Variants in PPME1 observed in about 807,000 individuals in gnomAD.
The protein encoded by PPME1 is testicular secretory protein Li 39.
Under a neutral mutation model 56.9 loss-of-function variants are expected in PPME1, and 17 were observed. The ratio of observed to expected loss-of-function variants is 0.30; its 90% CI spans 0.20 to 0.45. The LOEUF is 0.45. PPME1 is among the 20% of genes least tolerant of loss of function. PPME1 has a pLI of 1.00. For missense variants in PPME1, 357 were observed against 483.2 expected (o/e 0.74, Z 2.45); for synonymous variants, 122 against 156.2 (o/e 0.78, Z 1.63).
Position 74,231,094 on chromosome 11 carries a change from G to C in PPME1, c.644+92G>C, listed in dbSNP as rs1000993535. On this transcript the variant is annotated intron_variant, in intron 7 of 13. Transcript: ENST00000328257. The stretch of plus-strand genomic sequence containing the variant: ...TATTTAGGAGACAAGGCCTCACTCT[G>C]TCACCCAGGCTGGAGTGCAGTGGCA... 1.1e-5 allele frequency: 12 copies of C among 1,114,026 alleles called. No individual in the cohort carries two copies. In the Admixed American group the frequency reaches 1.6e-4, roughly 15 times the overall value. The allele number at this position is 1,114,026 out of a possible 1,614,324, so 69.0% of individuals were successfully genotyped here. A position where few individuals can be genotyped will look rare whatever the true frequency, so the allele number is the denominator to read the frequency against.
intron 1 of PPME1, among the ~76,000 whole-genome samples, chr11:74,191,173 TAAAAATAA>T (rs1019531693): frequency 9.2e-5 from 14 of 152,140 alleles, no homozygotes; most frequent in Non-Finnish European, 1.9e-4. Flanking sequence ...TCGTTTCTAC[TAAAAATAA>T]AAGAAGTTAT....
chr11:74,199,132 T>C (rs1176278692), intron 1 of PPME1, among the ~76,000 whole-genome samples: 1 of 152,170 alleles, frequency 6.6e-6, no homozygotes, highest in Non-Finnish European at 1.5e-5. Context: ...TATCCCTCTC[T>C]CCATCCCTAT....
intron 3 of PPME1, among the ~76,000 whole-genome samples, chr11:74,211,033 T>C (rs1858459855): frequency 6.6e-6 from 1 of 152,034 alleles, no homozygotes; most frequent in South Asian, 2.1e-4. Context: ...TAAAAATCTG[T>C]TTTTTCTAAA....
intron 1 of PPME1, among the ~76,000 whole-genome samples, chr11:74,200,536 C>T (rs559372402): frequency 5.3e-5 from 8 of 152,228 alleles, no homozygotes; most frequent in Non-Finnish European, 1.0e-4. Context: ...GTGCGTGCCA[C>T]CATGCCTGGC....
rs925715039 is a variant in PPME1, at chr11:74,239,331, T to C, written c.834+75T>C. 17 of 1,541,352 alleles carry C rather than the reference T, an allele frequency of 1.1e-5. No homozygotes were observed. In the African/African-American group the frequency reaches 2.1e-4, roughly 19 times the overall value. ...ACTGTGTGTGGGTGGGAAGGGGTGA[T>C]AACATTGTTCTTTTTGTTTGCCATT... is the stretch of plus-strand genomic sequence containing the variant. On this transcript the variant is annotated intron_variant, in intron 9 of 13. Transcript: ENST00000328257.
chr11:74,252,149 A>G (rs1425067313), intron 13 of PPME1, among the ~76,000 whole-genome samples: 8 of 142,560 alleles, frequency 5.6e-5, no homozygotes, highest in Non-Finnish European at 1.1e-4. Flanking sequence ...GTTCACTGCA[A>G]CCTCTGCCAC....
chr11:74,188,049 C>G (rs1857733549), intron 1 of PPME1, among the ~76,000 whole-genome samples: 2 of 152,058 alleles, frequency 1.3e-5, no homozygotes, highest in South Asian at 2.1e-4. Context: ...CAGGCTGCCT[C>G]CAGAAGCTGG....
chr11:74,217,205 T>G (rs1858670535), intron 3 of PPME1, among the ~76,000 whole-genome samples: 1 of 151,902 alleles, frequency 6.6e-6, no homozygotes. Flanking sequence ...GATGCAGAAA[T>G]CATCAGCAAA....
intron 1 of PPME1, among the ~76,000 whole-genome samples, chr11:74,188,982 A>G (rs969101317): frequency 2.6e-5 from 4 of 152,358 alleles, no homozygotes; most frequent in Admixed American, 6.5e-5. Context: ...TATATTCAGG[A>G]AAGTATAGCT....
chr11:74,245,044 A>G (rs1341288824), intron 9 of PPME1, among the ~76,000 whole-genome samples: 1 of 152,152 alleles, frequency 6.6e-6, no homozygotes, highest in African/African-American at 2.4e-5. Flanking sequence ...TCTCTATTCT[A>G]TTCCACTGGT....
intron 10 of PPME1, 99 bp downstream of exon 10, chr11:74,246,304 C>T (rs1041683206): frequency 5.6e-6 from 7 of 1,253,722 alleles, no homozygotes; most frequent in African/African-American, 4.7e-5. Context: ...TCTCACAGTT[C>T]TGGAGGCTGG....
At chr11:74,235,731 A>G in intron 7 of PPME1, 170 bp from the exon 8 acceptor site, 1 of 1,077,076 alleles carries the variant, frequency 9.3e-7, no homozygotes, top group South Asian at 1.8e-5. Flanking sequence ...TTTTACTTAT[A>G]AAACCATGTA....
chr11:74,180,415 G>A (rs80163117), intron 1 of PPME1, among the ~76,000 whole-genome samples: 4,298 of 152,188 alleles, frequency 0.028, 169 homozygotes, highest in African/African-American at 0.095. Flanking sequence ...ATTTAACCCC[G>A]TTCTATAAGA....
At position 74,246,220 on chromosome 11, in the gene PPME1, G is replaced by C. The variant is rs1483205601; in HGVS notation, c.964+15G>C. On this transcript the variant is annotated intron_variant, in intron 10 of 13. Transcript: ENST00000328257. The stretch of plus-strand genomic sequence containing the variant: ...GCTCTTGGCTGGTAAGTGTATATGT[G>C]CATATATTAGTCAGCTCAGGCTGCC... 1 of 1,541,786 alleles carries C rather than the reference G, an allele frequency of 6.5e-7. No homozygotes were observed. The highest frequency in any genetic ancestry group is 2.0e-5 in the Admixed American group (1 of 49,666).
At chr11:74,224,001 G>C (rs1238701400) in intron 4 of PPME1, among the ~76,000 whole-genome samples, 1 of 152,148 alleles carries the variant, frequency 6.6e-6, no homozygotes, top group East Asian at 1.9e-4. Context: ...TGGTGTTTTA[G>C]ACATTAAGTC....
chr11:74,176,453 A>G (rs986754302), intron 1 of PPME1, among the ~76,000 whole-genome samples: 26 of 151,500 alleles, frequency 1.7e-4, no homozygotes, highest in Non-Finnish European at 8.8e-5. Flanking sequence ...TTATTTTTTC[A>G]TTAGATTTTT....
intron 11 of PPME1, chr11:74,249,687 A>G (rs983203993): frequency 3.9e-5 from 6 of 152,218 alleles, no homozygotes; most frequent in Non-Finnish European, 8.8e-5. Flanking sequence ...AGCAAGTAAT[A>G]ACACCATTGT....
intron 12 of PPME1, 98 bp from the exon 13 acceptor site, chr11:74,251,548 AGG>A: frequency 1.3e-6 from 2 of 1,528,550 alleles, no homozygotes; most frequent in African/African-American, 2.8e-5. Context: ...GGGTGGGATG[AGG>A]GCACCGTAGA....
chr11:74,211,928 G>C (rs1858487292), intron 3 of PPME1, among the ~76,000 whole-genome samples: 1 of 152,096 alleles, frequency 6.6e-6, no homozygotes, highest in Non-Finnish European at 1.5e-5. Context: ...ACTTTTGAGA[G>C]GGGCGGCAGA....
Sources: allele counts gnomAD v4.1 joint callset (sites outside exome capture counted in the v4.1 genomes callset), GRCh38; gene constraint gnomAD v4.1.1; transcripts MANE v1.5; gene names NCBI Gene and HGNC (gene_info 2026-07-23, HGNC 2026-07-21).